Variants in NELL1 observed in about 807,000 individuals in gnomAD.
The protein encoded by NELL1 is protein kinase C-binding protein NELL1.
NELL1 carries 76 observed loss-of-function variants against 107.4 expected under a neutral mutation model. The observed-to-expected ratio is 0.71, with a 90% confidence interval of 0.59 to 0.86. The LOEUF is 0.86. Among genes scored for constraint, NELL1 ranks in the 40% least tolerant of loss-of-function variants. The pLI is 0.00. For synonymous variants in NELL1, 353 were observed against 341.2 expected (o/e 1.03, Z -0.38); for missense variants, 1,024 against 1,005.5 (o/e 1.02, Z -0.25).
At chr11:21,131,031 C>G (rs1279985472) in intron 13 of NELL1, among the ~76,000 whole-genome samples, 1 of 152,124 alleles carries the variant, frequency 6.6e-6, no homozygotes, top group East Asian at 1.9e-4. Flanking sequence ...TAGATGTGGA[C>G]TAGACTACCA....
At chr11:21,331,653 T>C (rs1198697666) in intron 14 of NELL1, among the ~76,000 whole-genome samples, 4 of 152,066 alleles carry the variant, frequency 2.6e-5, no homozygotes, top group Non-Finnish European at 5.9e-5. Flanking sequence ...CTGTGGGAAA[T>C]AAATTACCCT....
At chr11:20,767,310 T>A (rs1188109501) in intron 2 of NELL1, among the ~76,000 whole-genome samples, 1 of 152,200 alleles carries the variant, frequency 6.6e-6, no homozygotes, top group Non-Finnish European at 1.5e-5. Flanking sequence ...TGCTGCTGGC[T>A]GGGGTGGCCA....
intron 14 of NELL1, among the ~76,000 whole-genome samples, chr11:21,334,384 C>CT (rs1417711445): frequency 6.6e-6 from 1 of 151,714 alleles, no homozygotes; most frequent in African/African-American, 2.4e-5. Context: ...TATTTTATAT[C>CT]TAAAAAAAAT....
chr11:21,350,872 G>A (rs1351392066), intron 14 of NELL1, among the ~76,000 whole-genome samples: 1 of 151,982 alleles, frequency 6.6e-6, no homozygotes, highest in Non-Finnish European at 1.5e-5. Context: ...GTTGAATAGT[G>A]GACCTAAAAA....
chr11:21,149,461 T>C (rs1359775896), intron 13 of NELL1, among the ~76,000 whole-genome samples: 1 of 152,184 alleles, frequency 6.6e-6, no homozygotes, highest in African/African-American at 2.4e-5. Flanking sequence ...AGAGAGTGCT[T>C]GTGAAGGGAA....
rs199576491 is a variant in NELL1, at chr11:21,501,505, C to CTTATA, written c.1646-32869_1646-32868insTTATA. Reference sequence around the variant, plus strand: ...CTGTTATTCCATCTCATCTGCATGTCCTATGCAGTGAGTCAAAGTAGCAGG... The same window carrying CTTATA: ...CTGTTATTCCATCTCATCTGCATGTCTTATACTATGCAGTGAGTCAAAGTAGCAGG... On this transcript the variant is annotated intron_variant, in intron 15 of 19. Transcript: ENST00000357134. Among the ~76,000 whole-genome samples the CTTATA allele has an allele frequency of 0.017, 2,543 of 152,136 alleles. 199 individuals carry two copies. The East Asian group carries it at 0.26, about 16-fold the overall frequency.
chr11:21,009,437 A>G (rs1852400453), intron 12 of NELL1, among the ~76,000 whole-genome samples: 1 of 152,058 alleles, frequency 6.6e-6, no homozygotes, highest in African/African-American at 2.4e-5. Context: ...ATAAAACCCA[A>G]ATCCAAATTT....
At chr11:20,993,614 A>T (rs995893464) in intron 12 of NELL1, among the ~76,000 whole-genome samples, 1 of 152,192 alleles carries the variant, frequency 6.6e-6, no homozygotes, top group Non-Finnish European at 1.5e-5. Flanking sequence ...TGGACATAAA[A>T]TGGATAGTAT....
At chr11:20,933,078 C>T (rs1309678952) in intron 9 of NELL1, among the ~76,000 whole-genome samples, 2 of 152,168 alleles carry the variant, frequency 1.3e-5, no homozygotes, top group African/African-American at 2.4e-5. Flanking sequence ...GTACTGCAAT[C>T]AAGGTTTTAA....
chr11:20,755,054 T>C (rs1470248093), intron 2 of NELL1, among the ~76,000 whole-genome samples: 1 of 152,184 alleles, frequency 6.6e-6, no homozygotes. Flanking sequence ...GCCACATACA[T>C]GTACATATCT....
chr11:21,276,663 G>A (rs1323680441), intron 14 of NELL1, among the ~76,000 whole-genome samples: 1 of 152,172 alleles, frequency 6.6e-6, no homozygotes, highest in Non-Finnish European at 1.5e-5. Flanking sequence ...CAAGGCTACA[G>A]TAACCAAAAC....
chr11:21,132,564 C>T (rs922251628), intron 13 of NELL1, among the ~76,000 whole-genome samples: 4 of 152,136 alleles, frequency 2.6e-5, no homozygotes, highest in Admixed American at 6.5e-5. Flanking sequence ...GTGCTAGCTC[C>T]GTGTGAGGCT....
chr11:21,049,994 A>G (rs913324502), intron 12 of NELL1, among the ~76,000 whole-genome samples: 10 of 152,198 alleles, frequency 6.6e-5, no homozygotes, highest in Non-Finnish European at 1.2e-4. Context: ...GGAAACATAT[A>G]TATGTTAATT....
intron 16 of NELL1, among the ~76,000 whole-genome samples, chr11:21,547,026 T>C (rs977733768): frequency 1.3e-5 from 2 of 151,942 alleles, no homozygotes; most frequent in African/African-American, 4.8e-5. Context: ...ACACAGTCTT[T>C]CCAGTCTGGA....
At chr11:20,935,412 G>A (rs149403974) in intron 9 of NELL1, among the ~76,000 whole-genome samples, 75 of 152,214 alleles carry the variant, frequency 4.9e-4, no homozygotes, top group Non-Finnish European at 8.2e-4. Context: ...GAAAGAGAAC[G>A]GTATATGTAA....
At chr11:20,972,880 G>A (rs768437917) in intron 12 of NELL1, among the ~76,000 whole-genome samples, 14 of 152,144 alleles carry the variant, frequency 9.2e-5, no homozygotes, top group Admixed American at 8.5e-4. Context: ...AAGATGCAAT[G>A]GTGGACATGG....
chr11:21,123,159 C>A (rs1855409126), intron 13 of NELL1, among the ~76,000 whole-genome samples: 1 of 152,110 alleles, frequency 6.6e-6, no homozygotes, highest in South Asian at 2.1e-4. Context: ...ATTGTCATGT[C>A]TCATTAACAA....
chr11:21,565,782 C>G (rs1856958040), intron 17 of NELL1, among the ~76,000 whole-genome samples: 1 of 151,906 alleles, frequency 6.6e-6, no homozygotes, highest in Non-Finnish European at 1.5e-5. Flanking sequence ...TTGGTTTCCT[C>G]TTCATTAAAA....
intron 11 of NELL1, among the ~76,000 whole-genome samples, chr11:20,953,655 A>G (rs572188368): frequency 2.7e-4 from 41 of 152,322 alleles, no homozygotes; most frequent in Admixed American, 2.0e-3. Context: ...CAGAGGAGAA[A>G]GTGTGACCCC....
Sources: allele counts gnomAD v4.1 joint callset (sites outside exome capture counted in the v4.1 genomes callset), GRCh38; gene constraint gnomAD v4.1.1; transcripts MANE v1.5; gene names NCBI Gene and HGNC (gene_info 2026-07-23, HGNC 2026-07-21).